IMPG1: variants seen among roughly 807,000 people sequenced by gnomAD.
IMPG1 encodes the protein interphotoreceptor matrix proteoglycan 1.
IMPG1 carries 85 observed loss-of-function variants against 92.0 expected under a neutral mutation model. The ratio of observed to expected loss-of-function variants is 0.92; its 90% CI spans 0.78 to 1.11. The LOEUF (loss-of-function observed/expected upper bound fraction) is 1.11, where lower values mean the gene tolerates loss of function less well. Ranked by LOEUF, IMPG1 falls within the 50% of genes least tolerant of loss-of-function variation. The probability of loss-of-function intolerance (pLI) is 0.00; values close to 1 mark genes in which losing one functional copy is unlikely to be tolerated. For synonymous variants in IMPG1, 367 were observed against 334.1 expected, an observed-to-expected ratio of 1.10 and a Z score of -1.08; for missense variants, 1,022 against 956.0, an observed-to-expected ratio of 1.07 and a Z score of -0.91.
At chr6:76,011,367 C>G (rs1342913510) in intron 7 of IMPG1, 143 bp from the exon 8 acceptor site, 3 of 520,694 alleles carry the variant, frequency 5.8e-6, no homozygotes, top group Non-Finnish European at 1.0e-5. Context: ...AAAAAACTCT[C>G]CAAATTGATC....
At chr6:75,931,280 A>G in intron 14 of IMPG1, 129 bp from the exon 15 acceptor site, 1 of 763,688 alleles carries the variant, frequency 1.3e-6, no homozygotes, top group Non-Finnish European at 2.1e-6. Flanking sequence ...CAGTTGTGAT[A>G]TCAGACTGGA....
At chr6:76,037,401 G>C (rs1376706245) in intron 2 of IMPG1, among the ~76,000 whole-genome samples, 1 of 152,094 alleles carries the variant, frequency 6.6e-6, no homozygotes, top group East Asian at 1.9e-4. Flanking sequence ...TTCTCACACT[G>C]GGGGAAATAA....
chr6:75,932,128 G>A (rs570646581), intron 14 of IMPG1, among the ~76,000 whole-genome samples: 1 of 152,340 alleles, frequency 6.6e-6, no homozygotes, highest in Non-Finnish European at 1.5e-5. Context: ...CAACAGTAAA[G>A]CCATTCTTCC....
At chr6:75,965,715 C>T (rs1782296342) in intron 12 of IMPG1, among the ~76,000 whole-genome samples, 1 of 146,016 alleles carries the variant, frequency 6.8e-6, no homozygotes, top group South Asian at 2.1e-4. Context: ...TCACGCCATT[C>T]TCCTGCCTCA....
chr6:75,947,399 C>T lies in IMPG1; in HGVS notation c.1959G>A (p.Val653=), dbSNP rs148615908. 2.0e-4 allele frequency: 328 copies of T among 1,613,868 alleles called. No individual in the cohort carries two copies. Among genetic ancestry groups the T allele is most frequent in the Non-Finnish European group, 2.5e-4 (294 of 1,179,914 alleles). The change falls in exon 14 of 17, where the codon GTG becomes GTA. Residue 653 remains valine (V), a synonymous_variant. Coordinates refer to ENST00000369950, the MANE Select transcript of IMPG1 (RefSeq NM_001563.4). ...AACGAAAATCCTCCAAGACCCCGTG[C>T]ACAGCCTTGGTGAGGTTATACGGCA... ...KSVPYNLTKA[V]HGVLEDFRSA...
At chr6:76,027,672 A>G (rs1382819579) in intron 4 of IMPG1, among the ~76,000 whole-genome samples, 1 of 152,228 alleles carries the variant, frequency 6.6e-6, no homozygotes, top group African/African-American at 2.4e-5. Context: ...ACTATTCAAA[A>G]AAAGGTATTA....
At chr6:75,932,489 A>C (rs780520780) in intron 14 of IMPG1, among the ~76,000 whole-genome samples, 18 of 152,218 alleles carry the variant, frequency 1.2e-4, no homozygotes, top group Non-Finnish European at 2.5e-4. Flanking sequence ...GCAAAGACTG[A>C]AAAATGGATG....
intron 4 of IMPG1, among the ~76,000 whole-genome samples, chr6:76,029,975 C>G (rs1783626486): frequency 6.6e-6 from 1 of 151,604 alleles, no homozygotes; most frequent in African/African-American, 2.4e-5. Flanking sequence ...TAGGTAAAAG[C>G]CCTAGGAAGG....
chr6:75,938,804 T>C (rs534394224), intron 14 of IMPG1, among the ~76,000 whole-genome samples: 1 of 117,828 alleles, frequency 8.5e-6, no homozygotes, highest in Admixed American at 9.8e-5. Context: ...CAAGCCAGGC[T>C]CCATCTCAAA....
intron 13 of IMPG1, among the ~76,000 whole-genome samples, chr6:75,947,958 C>T (rs1781956000): frequency 1.3e-5 from 2 of 152,070 alleles, no homozygotes; most frequent in South Asian, 4.1e-4. Context: ...TGGATGCAGC[C>T]AATTTGAAAT....
chr6:75,973,262 G>A (rs1036397224), intron 12 of IMPG1, among the ~76,000 whole-genome samples: 3 of 151,916 alleles, frequency 2.0e-5, no homozygotes, highest in Admixed American at 2.0e-4. Flanking sequence ...TTACAGGCAT[G>A]AGCCACTGTG....
chr6:75,996,424 C>T (rs1256771673), intron 12 of IMPG1, among the ~76,000 whole-genome samples: 1 of 152,318 alleles, frequency 6.6e-6, no homozygotes, highest in Non-Finnish European at 1.5e-5. Flanking sequence ...CAATTTCTAA[C>T]TACAACCACC....
chr6:75,983,870 GC>G (rs147892694), intron 12 of IMPG1, among the ~76,000 whole-genome samples: 1,841 of 151,932 alleles, frequency 0.012, 46 homozygotes, highest in African/African-American at 0.042. Context: ...AAACTCAATG[GC>G]AAAAAAGCAA....
At chr6:76,015,903 A>G (rs977213930) in intron 7 of IMPG1, among the ~76,000 whole-genome samples, 2 of 151,900 alleles carry the variant, frequency 1.3e-5, no homozygotes, top group Non-Finnish European at 2.9e-5. Context: ...TGGGAAAAAT[A>G]GGAGGCATGA....
At chr6:75,947,758 G>C (rs1347862855) in intron 13 of IMPG1, among the ~76,000 whole-genome samples, 1 of 151,976 alleles carries the variant, frequency 6.6e-6, no homozygotes, top group African/African-American at 2.4e-5. Flanking sequence ...TATTGAGATG[G>C]ATGGCTGTGA....
At chr6:76,029,698 TA>T (rs1367413523) in intron 4 of IMPG1, among the ~76,000 whole-genome samples, 1 of 152,112 alleles carries the variant, frequency 6.6e-6, no homozygotes. Context: ...ATGGAATAAA[TA>T]GGGAATAAAT....
intron 12 of IMPG1, among the ~76,000 whole-genome samples, chr6:75,993,687 C>T (rs1398337490): frequency 7.2e-5 from 11 of 152,258 alleles, no homozygotes; most frequent in Non-Finnish European, 2.9e-5. Flanking sequence ...TTACAGTAAC[C>T]TTTCTCAAAA....
intron 4 of IMPG1, among the ~76,000 whole-genome samples, chr6:76,030,909 C>T (rs1783642646): frequency 6.6e-6 from 1 of 152,150 alleles, no homozygotes; most frequent in Non-Finnish European, 1.5e-5. Context: ...GGTAGAGCCT[C>T]TGGAAGTTCA....
intron 12 of IMPG1, among the ~76,000 whole-genome samples, chr6:75,992,756 C>T (rs148851291): frequency 3.9e-4 from 60 of 152,250 alleles, no homozygotes; most frequent in Non-Finnish European, 7.8e-4. Flanking sequence ...CAGCATTCTT[C>T]CCTGAAACTC....
Sources: allele counts gnomAD v4.1 joint callset (sites outside exome capture counted in the v4.1 genomes callset), GRCh38; gene constraint gnomAD v4.1.1; transcripts MANE v1.5; gene names NCBI Gene and HGNC (gene_info 2026-07-23, HGNC 2026-07-21).